MUSK: variants seen among roughly 807,000 people sequenced by gnomAD.
The protein encoded by MUSK is muscle, skeletal receptor tyrosine-protein kinase.
A neutral mutation model predicts 88.7 loss-of-function variants in MUSK; 55 were observed. The ratio of observed to expected loss-of-function variants is 0.62; its 90% CI spans 0.50 to 0.78. MUSK has a LOEUF of 0.78. Ranked by LOEUF, MUSK falls within the 30% of genes least tolerant of loss-of-function variation. The pLI, the probability that MUSK is intolerant of heterozygous loss-of-function variation, is 0.00. For missense variants in MUSK, 1,015 were observed against 1,074.3 expected (o/e 0.94, Z 0.77); for synonymous variants, 387 against 391.9 (o/e 0.99, Z 0.15).
At chr9:110,747,233 C>A (rs1260816149) in intron 6 of MUSK, among the ~76,000 whole-genome samples, 1 of 152,206 alleles carries the variant, frequency 6.6e-6, no homozygotes, top group Non-Finnish European at 1.5e-5. Context: ...CTTATGCGTA[C>A]CTTGGATGGT....
At chr9:110,731,860 G>A (rs1357188380) in intron 5 of MUSK, among the ~76,000 whole-genome samples, 1 of 151,964 alleles carries the variant, frequency 6.6e-6, no homozygotes, top group Non-Finnish European at 1.5e-5. Context: ...TGGATAATCA[G>A]AGGTTTCACA....
Position 110,767,817 on chromosome 9 carries a change from C to T in MUSK, c.921-3C>T. The T allele has an allele frequency of 6.2e-7, 1 of 1,613,848 alleles. No individual in the cohort carries two copies. Among genetic ancestry groups the T allele is most frequent in the Non-Finnish European group, 8.5e-7 (1 of 1,179,834 alleles). ...TAGAAATGTTGTTCATTTCTTCTTT[C>T]AGTAAACCACAGAAAGATAACAAAG... On this transcript the variant is annotated splice_polypyrimidine_tract_variant and splice_region_variant and intron_variant, in intron 8 of 14. Transcript: ENST00000374448.
In MUSK at chr9:110,772,213, C is replaced by G. The variant is rs567045779; in HGVS notation, c.1185-3575C>G. On this transcript the variant is annotated intron_variant, in intron 9 of 14. Coordinates refer to ENST00000374448, the MANE Select transcript of MUSK (RefSeq NM_005592.4). ...TAAATTTTATCTTCATGTGCTAGCA[C>G]AAAATACATTTATTAACTTTCCAGC... Among the ~76,000 whole-genome samples, 3 of 151,516 alleles carry G rather than the reference C, an allele frequency of 2.0e-5. No individual in the cohort carries two copies. The South Asian group carries it at 6.2e-4, about 31-fold the overall frequency.
chr9:110,698,136 TA>T (rs1021325571), intron 5 of MUSK, among the ~76,000 whole-genome samples: 22 of 152,188 alleles, frequency 1.4e-4, no homozygotes, highest in African/African-American at 5.3e-4. Flanking sequence ...ACATTTTGCT[TA>T]AAAAGAACTA....
At chr9:110,747,902 T>C (rs1326394941) in intron 7 of MUSK, 102 bp downstream of exon 7, 20 of 1,429,976 alleles carry the variant, frequency 1.4e-5, no homozygotes, top group African/African-American at 8.4e-5. Context: ...CTTTTATCTC[T>C]TATTTCAGTT....
intron 3 of MUSK, among the ~76,000 whole-genome samples, chr9:110,691,950 A>C (rs1457844104): frequency 6.6e-6 from 1 of 152,142 alleles, no homozygotes; most frequent in African/African-American, 2.4e-5. Context: ...GTTTTAGTAG[A>C]TATCCTCTGT....
In MUSK at chr9:110,682,701, C is replaced by T. The variant is rs1187922371; in HGVS notation, c.107C>T (p.Thr36Ile). ...CCTGTCATCACCACTCCTCTTGAAA[C>T]AGTGGATGCCTTAGTTGAAGAAGTG... ...KAPVITTPLETVDALVEEVAT... is the reference protein window; with the variant it reads ...KAPVITTPLEIVDALVEEVAT... The change falls in exon 2 of 15, where the codon ACA (threonine) becomes ATA (isoleucine). Residue 36 changes from threonine (T) to isoleucine (I), a missense_variant. Coordinates refer to ENST00000374448, the MANE Select transcript of MUSK (RefSeq NM_005592.4). 3 of 1,612,624 alleles carry T rather than the reference C, an allele frequency of 1.9e-6. No individual in the cohort carries two copies.
At chr9:110,724,093 CTTG>C (rs761801520) in intron 5 of MUSK, among the ~76,000 whole-genome samples, 1 of 151,874 alleles carries the variant, frequency 6.6e-6, no homozygotes, top group Non-Finnish European at 1.5e-5. Context: ...TGTGTCTCTG[CTTG>C]TTATTATCAA....
intron 5 of MUSK, among the ~76,000 whole-genome samples, chr9:110,719,115 C>T (rs2076779470): frequency 2.0e-5 from 3 of 151,994 alleles, no homozygotes; most frequent in Admixed American, 2.0e-4. Context: ...AAAATAGAAC[C>T]TCTTTAAAGT....
chr9:110,688,720 T>C (rs946629426), intron 3 of MUSK, among the ~76,000 whole-genome samples: 3 of 151,896 alleles, frequency 2.0e-5, no homozygotes, highest in Non-Finnish European at 4.4e-5. Context: ...CAGTGTTTGG[T>C]TATCTGTTCC....
chr9:110,731,790 C>T (rs185638475), intron 5 of MUSK, among the ~76,000 whole-genome samples: 26 of 152,132 alleles, frequency 1.7e-4, no homozygotes, highest in East Asian at 3.9e-4. Context: ...TCCAAAGTCA[C>T]GTTGAATTGA....
At chr9:110,732,035 C>T (rs1564251665) in intron 5 of MUSK, among the ~76,000 whole-genome samples, 1 of 152,038 alleles carries the variant, frequency 6.6e-6, no homozygotes, top group Non-Finnish European at 1.5e-5. Flanking sequence ...ACATTATTCT[C>T]CAATTTTTTA....
intron 3 of MUSK, among the ~76,000 whole-genome samples, chr9:110,690,283 A>AAT (rs1321148825): frequency 2.0e-5 from 2 of 99,918 alleles, no homozygotes; most frequent in African/African-American, 4.1e-5. Flanking sequence ...CAAATATATA[A>AAT]ATATATATAA....
chr9:110,757,218 G>T (rs1296229432), intron 7 of MUSK, among the ~76,000 whole-genome samples: 2 of 152,036 alleles, frequency 1.3e-5, no homozygotes, highest in Non-Finnish European at 2.9e-5. Flanking sequence ...CAGCACTTTG[G>T]GAGGCTGAGG....
At chr9:110,724,745 T>C (rs1191426492) in intron 5 of MUSK, among the ~76,000 whole-genome samples, 2 of 152,032 alleles carry the variant, frequency 1.3e-5, no homozygotes, top group African/African-American at 2.4e-5. Flanking sequence ...AATTATATCT[T>C]CATTATTGCT....
intron 3 of MUSK, among the ~76,000 whole-genome samples, chr9:110,691,866 C>T (rs1564221997): frequency 6.6e-6 from 1 of 152,026 alleles, no homozygotes; most frequent in African/African-American, 2.4e-5. Flanking sequence ...GATTGGAAGT[C>T]TTCATTTTGC....
intron 1 of MUSK, among the ~76,000 whole-genome samples, chr9:110,675,779 A>G (rs2131631231): frequency 6.9e-6 from 1 of 145,608 alleles, no homozygotes; most frequent in Non-Finnish European, 1.5e-5. Context: ...CATGTTGGCC[A>G]GGAATCTCTT....
intron 3 of MUSK, among the ~76,000 whole-genome samples, chr9:110,688,381 C>T (rs2076225229): frequency 6.6e-6 from 1 of 151,912 alleles, no homozygotes; most frequent in Non-Finnish European, 1.5e-5. Context: ...AAGGCTCATA[C>T]TTTTAATCTC....
chr9:110,692,645 G>A (rs1478835374), intron 3 of MUSK, among the ~76,000 whole-genome samples: 1 of 151,432 alleles, frequency 6.6e-6, no homozygotes, highest in Non-Finnish European at 1.5e-5. Flanking sequence ...TATTATGAAT[G>A]TGGTCTCCAG....
Sources: allele counts gnomAD v4.1 joint callset (sites outside exome capture counted in the v4.1 genomes callset), GRCh38; gene constraint gnomAD v4.1.1; transcripts MANE v1.5; gene names NCBI Gene and HGNC (gene_info 2026-07-23, HGNC 2026-07-21).